Variants in CNTN5 observed in about 807,000 individuals in gnomAD.
The protein encoded by CNTN5 is contactin 5.
CNTN5 carries 77 observed loss-of-function variants against 129.1 expected under a neutral mutation model. The observed-to-expected ratio is 0.60, with a 90% CI of 0.50 to 0.72. CNTN5 has a LOEUF of 0.72. CNTN5 is among the 30% of genes least tolerant of loss of function. The pLI, the probability that CNTN5 is intolerant of heterozygous loss-of-function variation, is 0.00. For missense variants in CNTN5, 1,478 were observed against 1,328.8 expected, an observed-to-expected ratio of 1.11 and a Z score of -1.75; for synonymous variants, 509 against 465.6, an observed-to-expected ratio of 1.09 and a Z score of -1.20.
At chr11:100,009,752 T>C (rs1446116913) in intron 9 of CNTN5, among the ~76,000 whole-genome samples, 1 of 152,184 alleles carries the variant, frequency 6.6e-6, no homozygotes. Context: ...AGATGTAATG[T>C]TCCCTGAAAG....
intron 9 of CNTN5, among the ~76,000 whole-genome samples, chr11:100,036,320 G>A (rs919250738): frequency 1.3e-5 from 2 of 151,832 alleles, no homozygotes; most frequent in Non-Finnish European, 2.9e-5. Context: ...CTGTTCCATT[G>A]GTCTATATCT....
At chr11:99,734,716 T>TG (rs1943644238) in intron 3 of CNTN5, among the ~76,000 whole-genome samples, 1 of 152,044 alleles carries the variant, frequency 6.6e-6, no homozygotes, top group African/African-American at 2.4e-5. Flanking sequence ...ATTTTTTTTT[T>TG]TTTTGCCTGC....
chr11:99,491,671 G>A (rs1398437064), intron 2 of CNTN5, among the ~76,000 whole-genome samples: 1 of 152,118 alleles, frequency 6.6e-6, no homozygotes, highest in Non-Finnish European at 1.5e-5. Flanking sequence ...CCTTGAGAAG[G>A]ACTCTTAACT....
chr11:99,226,254 A>C (rs1860679914), intron 1 of CNTN5, among the ~76,000 whole-genome samples: 1 of 152,206 alleles, frequency 6.6e-6, no homozygotes. Context: ...GGGTGCTAGC[A>C]AACTAAGAGA....
chr11:100,002,117 G>C lies in CNTN5; in HGVS notation c.961G>C (p.Glu321Gln), dbSNP rs1360772834. Residue 321 changes from glutamate (E) to glutamine (Q), a missense_variant, in exon 9 of 25, where the codon GAA becomes CAA. Physicochemically the swap from Glu to Gln is conservative, Grantham distance 29 (BLOSUM62 2). Transcript: ENST00000524871. ...TGCTAAAGGAACAACTGTTAAGATGGAATGCTTTGCACTTGGCAAGTAAGT... is the reference window on the plus strand; with the variant it reads ...TGCTAAAGGAACAACTGTTAAGATGCAATGCTTTGCACTTGGCAAGTAAGT... Reference protein sequence around the residue: ...TAAKGTTVKMECFALGNPVPT... With the variant: ...TAAKGTTVKMQCFALGNPVPT... 1 of 1,584,704 alleles carries C rather than the reference G, an allele frequency of 6.3e-7. No individual in the cohort carries two copies. Among genetic ancestry groups the C allele is most frequent in the Admixed American group, 1.9e-5 (1 of 52,814 alleles).
chr11:100,295,264 C>A (rs1057093373), intron 18 of CNTN5, among the ~76,000 whole-genome samples: 1 of 151,402 alleles, frequency 6.6e-6, no homozygotes, highest in South Asian at 2.1e-4. Flanking sequence ...GAAAACCTCA[C>A]GGAGCTGATT....
At chr11:100,298,899 T>TG (rs1264767315) in intron 19 of CNTN5, among the ~76,000 whole-genome samples, 1 of 151,418 alleles carries the variant, frequency 6.6e-6, no homozygotes, top group Non-Finnish European at 1.5e-5. Flanking sequence ...TGGAGCAAAT[T>TG]TGTTTCACTT....
chr11:100,128,236 C>T (rs1946259648), intron 13 of CNTN5, among the ~76,000 whole-genome samples: 1 of 152,096 alleles, frequency 6.6e-6, no homozygotes, highest in African/African-American at 2.4e-5. Context: ...TATTCTCCCT[C>T]CTTTTTTCCT....
At chr11:99,819,323 C>CCCTCCCCTCTCCTCT (rs1946702299) in intron 3 of CNTN5, among the ~76,000 whole-genome samples, 1 of 41,280 alleles carries the variant, frequency 2.4e-5, no homozygotes, top group East Asian at 1.1e-3. Flanking sequence ...TCCTCCCCTC[C>CCCTCCCCTCTCCTCT]CCTCCCCTCC....
intron 1 of CNTN5, among the ~76,000 whole-genome samples, chr11:99,127,222 C>A (rs541854442): frequency 2.8e-4 from 43 of 152,270 alleles, no homozygotes; most frequent in African/African-American, 7.7e-4. Context: ...TCACTTACAT[C>A]CTTACCATTG....
chr11:100,219,496 T>C (rs1483436568), intron 15 of CNTN5, among the ~76,000 whole-genome samples: 4 of 152,184 alleles, frequency 2.6e-5, no homozygotes, highest in Non-Finnish European at 5.9e-5. Flanking sequence ...TACCAGCCCT[T>C]TTGCATTACT....
chr11:99,578,324 A>G (rs1949437668), intron 3 of CNTN5, among the ~76,000 whole-genome samples: 1 of 151,614 alleles, frequency 6.6e-6, no homozygotes, highest in South Asian at 2.1e-4. Context: ...CATGATTTAT[A>G]ATCCTTTGGG....
chr11:100,002,552 A>G (rs769034242), intron 9 of CNTN5, among the ~76,000 whole-genome samples: 2 of 152,166 alleles, frequency 1.3e-5, no homozygotes, highest in Non-Finnish European at 2.9e-5. Context: ...AATCATGAGG[A>G]TAATAGTTAC....
At chr11:99,424,361 G>A (rs1238517433) in intron 2 of CNTN5, among the ~76,000 whole-genome samples, 1 of 152,186 alleles carries the variant, frequency 6.6e-6, no homozygotes, top group Non-Finnish European at 1.5e-5. Flanking sequence ...TTTCCCAGCT[G>A]GAAACCTCTG....
intron 1 of CNTN5, among the ~76,000 whole-genome samples, chr11:99,236,933 T>A (rs909370680): frequency 6.6e-6 from 1 of 152,164 alleles, no homozygotes; most frequent in Admixed American, 6.5e-5. Context: ...ACAATGTATT[T>A]TAATTTTCTG....
At chr11:100,096,746 A>G (rs1465904325) in intron 13 of CNTN5, among the ~76,000 whole-genome samples, 2 of 152,130 alleles carry the variant, frequency 1.3e-5, no homozygotes, top group African/African-American at 4.8e-5. Context: ...ACTTTCTACC[A>G]GCATATTAGT....
chr11:100,174,628 G>T (rs965119066), intron 13 of CNTN5, among the ~76,000 whole-genome samples: 2 of 152,096 alleles, frequency 1.3e-5, no homozygotes, highest in African/African-American at 4.8e-5. Context: ...CCTTCAGAAA[G>T]AAGACAAGTC....
At chr11:99,164,428 G>A (rs1350711385) in intron 1 of CNTN5, among the ~76,000 whole-genome samples, 1 of 150,394 alleles carries the variant, frequency 6.6e-6, no homozygotes, top group African/African-American at 2.5e-5. Flanking sequence ...CTCTATAATA[G>A]CTAGGTTAGA....
At chr11:99,763,047 T>A (rs1025921494) in intron 3 of CNTN5, among the ~76,000 whole-genome samples, 1 of 152,274 alleles carries the variant, frequency 6.6e-6, no homozygotes, top group South Asian at 2.1e-4. Context: ...TATTGATCCA[T>A]GTATCACTGC....
Sources: allele counts gnomAD v4.1 joint callset (sites outside exome capture counted in the v4.1 genomes callset), GRCh38; gene constraint gnomAD v4.1.1; transcripts MANE v1.5; gene names NCBI Gene and HGNC (gene_info 2026-07-23, HGNC 2026-07-21).